Variants in CYFIP1 observed in about 807,000 individuals in gnomAD.
CYFIP1 encodes cytoplasmic FMR1-interacting protein 1.
Under a neutral mutation model 163.5 loss-of-function variants are expected in CYFIP1, and 58 were observed. The ratio of observed to expected loss-of-function variants is 0.35; its 90% CI spans 0.29 to 0.44. CYFIP1 has a LOEUF of 0.44. CYFIP1 is among the 20% of genes least tolerant of loss of function. CYFIP1 has a pLI of 1.00. For synonymous variants in CYFIP1, 663 were observed against 660.7 expected (o/e 1.00, Z -0.05); for missense variants, 1,338 against 1,653.8 (o/e 0.81, Z 3.31).
At position 22,939,133 on chromosome 15, in the gene CYFIP1, T is replaced by C. The variant is rs1013419729; in HGVS notation, c.795+59A>G. The C allele has an allele frequency of 2.4e-5, 38 of 1,601,848 alleles. No individual in the cohort carries two copies. In the African/African-American group the frequency reaches 2.5e-4, roughly 11 times the overall value. ...AGGATTCTAGATAAAGCACAGCCTA[T>C]TGACAAGAGTAAGGCTGTCCCTCGG... On this transcript the variant is annotated intron_variant, in intron 8 of 30. Transcript: ENST00000617928.
chr15:22,972,628 C>A (rs73426841), intron 1 of CYFIP1, among the ~76,000 whole-genome samples: 2 of 152,140 alleles, frequency 1.3e-5, no homozygotes, highest in Non-Finnish European at 2.9e-5. Context: ...CTTCAATAAA[C>A]GGTGTTGAGA....
intron 13 of CYFIP1, among the ~76,000 whole-genome samples, 183 bp from the exon 14 acceptor site, chr15:22,919,041 C>T (rs959413637): frequency 2.6e-5 from 4 of 152,154 alleles, no homozygotes; most frequent in Admixed American, 6.5e-5. Context: ...GAACTGTGCC[C>T]GCATCTGACT....
At chr15:22,936,949 G>A (rs1042877799) in intron 9 of CYFIP1, among the ~76,000 whole-genome samples, 155 bp downstream of exon 9, 5 of 152,086 alleles carry the variant, frequency 3.3e-5, no homozygotes, top group African/African-American at 1.2e-4. Context: ...GAGAAAGCGC[G>A]GTCACCTCTG....
intron 1 of CYFIP1, among the ~76,000 whole-genome samples, chr15:22,953,361 G>A (rs761020892): frequency 2.1e-4 from 19 of 88,574 alleles, no homozygotes; most frequent in Non-Finnish European, 3.6e-4. Flanking sequence ...ACTTTGCTCC[G>A]TCTCTAACTG....
chr15:22,903,628 G>GT, intron 22 of CYFIP1, 78 bp downstream of exon 22: 1 of 1,455,758 alleles, frequency 6.9e-7, no homozygotes, highest in South Asian at 1.2e-5. Context: ...CAGGGACCTG[G>GT]TGACATGGAG....
chr15:22,932,185 C>CTGTGCAG, intron 11 of CYFIP1, 38 bp downstream of exon 11: 1 of 1,508,052 alleles, frequency 6.6e-7, no homozygotes, highest in Non-Finnish European at 9.1e-7. Context: ...CACAGGCGAC[C>CTGTGCAG]CTCGGGTGCC....
chr15:22,903,514 T>TC (rs1366573706), intron 22 of CYFIP1, among the ~76,000 whole-genome samples, 192 bp downstream of exon 22: 1 of 152,040 alleles, frequency 6.6e-6, no homozygotes, highest in Non-Finnish European at 1.5e-5. Flanking sequence ...GCCATGACCA[T>TC]CCACCCGAGG....
intron 8 of CYFIP1, among the ~76,000 whole-genome samples, chr15:22,937,468 G>A (rs534890244): frequency 1.3e-5 from 2 of 152,240 alleles, no homozygotes; most frequent in South Asian, 4.2e-4. Context: ...CCTAACCCAA[G>A]CGGTAGGGAT....
chr15:22,880,116 AG>A, intron 25 of CYFIP1, 73 bp from the exon 26 acceptor site: 2 of 1,589,136 alleles, frequency 1.3e-6, no homozygotes, highest in South Asian at 2.2e-5. Flanking sequence ...GTCCACAGCC[AG>A]GAGCACCTGC....
At chr15:22,876,578 C>T (rs2059590809) in intron 26 of CYFIP1, among the ~76,000 whole-genome samples, 1 of 152,102 alleles carries the variant, frequency 6.6e-6, no homozygotes, top group Admixed American at 6.5e-5. Flanking sequence ...TGCAGTGGCT[C>T]ACGCCTGTAA....
intron 10 of CYFIP1, 78 bp downstream of exon 10, chr15:22,933,724 A>T: frequency 3.8e-6 from 4 of 1,044,286 alleles, no homozygotes; most frequent in Non-Finnish European, 5.9e-6. Context: ...TCTCTAGACA[A>T]ATAAGCAGGA....
At chr15:22,889,572 C>T (rs918980204) in intron 23 of CYFIP1, among the ~76,000 whole-genome samples, 6 of 152,166 alleles carry the variant, frequency 3.9e-5, no homozygotes, top group Non-Finnish European at 8.8e-5. Context: ...AGGCCCCTTC[C>T]AGGACTCGAT....
At chr15:22,894,494 T>G (rs2060171289) in intron 22 of CYFIP1, among the ~76,000 whole-genome samples, 1 of 151,472 alleles carries the variant, frequency 6.6e-6, no homozygotes, top group Non-Finnish European at 1.5e-5. Flanking sequence ...TTCTCCATTT[T>G]GGTCAGGCTG....
At chr15:22,897,487 TTTTG>T (rs1172670812) in intron 22 of CYFIP1, among the ~76,000 whole-genome samples, 28 of 151,388 alleles carry the variant, frequency 1.8e-4, no homozygotes, top group Non-Finnish European at 3.8e-4. Flanking sequence ...TGTTTTTTTT[TTTTG>T]TTTGTGTTGT....
At chr15:22,881,651 C>T (rs1261757174) in intron 25 of CYFIP1, among the ~76,000 whole-genome samples, 195 bp downstream of exon 25, 5 of 152,164 alleles carry the variant, frequency 3.3e-5, no homozygotes, top group Non-Finnish European at 5.9e-5. Flanking sequence ...CTTGTCTCAA[C>T]TCTTGCAGGC....
intron 1 of CYFIP1, among the ~76,000 whole-genome samples, chr15:22,978,876 G>C (rs897140820): frequency 6.6e-6 from 1 of 152,184 alleles, no homozygotes; most frequent in Non-Finnish European, 1.5e-5. Flanking sequence ...GCGGCTGCAA[G>C]AGCGGGGAGG....
intron 1 of CYFIP1, among the ~76,000 whole-genome samples, chr15:22,959,209 C>G (rs1459131155): frequency 6.6e-6 from 1 of 152,236 alleles, no homozygotes; most frequent in Admixed American, 6.5e-5. Context: ...CTGGGCAACA[C>G]ACAGACAGCA....
Position 22,909,314 on chromosome 15 carries a change from C to G in CYFIP1, c.2269-1G>C, listed in dbSNP as rs2060701580. ...TGAGGTCTATTGATCTGCCGAGGAG[C>G]TGGCGTACACAGGGAAGGATGGCAG... On this transcript the variant is annotated splice_acceptor_variant, in intron 20 of 30. Coordinates refer to ENST00000617928, the MANE Select transcript of CYFIP1 (RefSeq NM_014608.6). LOFTEE classifies it high-confidence loss of function. 6.2e-7 allele frequency: 1 copy of G among 1,613,922 alleles called. No individual in the cohort carries two copies. Among genetic ancestry groups the G allele is most frequent in the Non-Finnish European group, 8.5e-7 (1 of 1,179,884 alleles).
intron 1 of CYFIP1, among the ~76,000 whole-genome samples, chr15:22,954,973 C>T (rs1040538252): frequency 1.3e-5 from 2 of 152,184 alleles, no homozygotes; most frequent in Admixed American, 6.5e-5. Context: ...ATCCACCGGG[C>T]GGTGGCAGAC....
Sources: gnomAD v4.1 joint callset for allele counts (sites outside exome capture counted in the v4.1 genomes callset) on GRCh38, gnomAD v4.1.1 for gene constraint, MANE v1.5 for transcripts, NCBI Gene and HGNC (gene_info 2026-07-23, HGNC 2026-07-21) for gene names.